AP3B1: variants seen among roughly 807,000 people sequenced by gnomAD.
AP3B1 encodes the protein AP-3 complex subunit beta-1.
A neutral mutation model predicts 132.5 loss-of-function variants in AP3B1; 61 were observed. The ratio of observed to expected loss-of-function variants is 0.46; its 90% confidence interval spans 0.37 to 0.57. The LOEUF is 0.57. Ranked by LOEUF, AP3B1 falls within the 20% of genes least tolerant of loss-of-function variation. The pLI is 0.00. For synonymous variants in AP3B1, 388 were observed against 438.3 expected, an observed-to-expected ratio of 0.89 and a Z score of 1.43; for missense variants, 1,120 against 1,289.4, an observed-to-expected ratio of 0.87 and a Z score of 2.01.
rs1208091149 is a variant in AP3B1, at chr5:78,015,492, A to T, written c.3049T>A (p.Phe1017Ile). 1.2e-6 allele frequency: 2 copies of T among 1,613,648 alleles called. No homozygotes were observed. The highest frequency in any genetic ancestry group is 2.2e-5 in the South Asian group (2 of 91,082). ...SAVIIAAPQN[F>I]TPSVIFQKVV... ...TTCTGAAAGATCACAGAGGGAGTGA[A>T]ATTCTGTGGTGCAGCAATGATTACA... The change falls in exon 26 of 27, where the codon TTC becomes ATC. Residue 1017 changes from phenylalanine (F) to isoleucine (I), a missense_variant. Coordinates refer to ENST00000255194, the MANE Select transcript of AP3B1 (RefSeq NM_003664.5).
chr5:78,181,460 G>C (rs761767913), intron 8 of AP3B1, 47 bp downstream of exon 8: 1 of 1,581,824 alleles, frequency 6.3e-7, no homozygotes, highest in Non-Finnish European at 8.6e-7. Flanking sequence ...TTTAATTGCT[G>C]TTTTTTAAAA....
chr5:78,073,165 T>C (rs1749618148), intron 22 of AP3B1, among the ~76,000 whole-genome samples: 1 of 152,220 alleles, frequency 6.6e-6, no homozygotes, highest in Non-Finnish European at 1.5e-5. Context: ...GCTAAATTCG[T>C]TTCTCTTCCT....
chr5:78,097,078 G>T (rs1419102918), intron 21 of AP3B1, among the ~76,000 whole-genome samples: 5 of 113,662 alleles, frequency 4.4e-5, no homozygotes, highest in Admixed American at 2.6e-4. Context: ...TCAGCCCCCC[G>T]CCCGGCCAGC....
chr5:78,139,038 GA>G (rs11288219), intron 15 of AP3B1, among the ~76,000 whole-genome samples: 35,733 of 93,186 alleles, frequency 0.38, 5,043 homozygotes, highest in Admixed American at 0.47. Context: ...TAGAGATCAA[GA>G]AAAAAAAAAA....
intron 14 of AP3B1, among the ~76,000 whole-genome samples, chr5:78,146,602 C>T (rs1753407152): frequency 6.6e-6 from 1 of 152,054 alleles, no homozygotes; most frequent in African/African-American, 2.4e-5. Flanking sequence ...TTAACATGTA[C>T]TTTTCAACTC....
intron 3 of AP3B1, among the ~76,000 whole-genome samples, chr5:78,232,855 C>T (rs888652384): frequency 6.6e-6 from 1 of 152,032 alleles, no homozygotes; most frequent in African/African-American, 2.4e-5. Context: ...CACAGGTGCA[C>T]ACCACCACGC....
chr5:78,187,852 C>A (rs1221596610), intron 7 of AP3B1, among the ~76,000 whole-genome samples: 1 of 152,116 alleles, frequency 6.6e-6, no homozygotes, highest in East Asian at 1.9e-4. Flanking sequence ...GCCACAGTAA[C>A]CAAAACAGCA....
chr5:78,020,565 T>C (rs548527008), intron 25 of AP3B1, 127 bp downstream of exon 25: 4 of 730,456 alleles, frequency 5.5e-6, no homozygotes, highest in South Asian at 3.2e-5. Flanking sequence ...TTAACAAAAA[T>C]TGGAAGATTG....
chr5:78,002,648 A>G lies in AP3B1; in HGVS notation c.*254T>C. On this transcript the variant is annotated 3_prime_UTR_variant, in exon 27 of 27. Coordinates refer to ENST00000255194, the MANE Select transcript of AP3B1 (RefSeq NM_003664.5). ...CAAAAGAAGCAGCAGGACAGAGAAAACGCCACATGGATTCAAGAGTTGAGA... is the reference window on the plus strand; with the variant it reads ...CAAAAGAAGCAGCAGGACAGAGAAAGCGCCACATGGATTCAAGAGTTGAGA... The G allele has an allele frequency of 1.7e-6, 1 of 601,844 alleles. No individual in the cohort carries two copies. The highest frequency in any genetic ancestry group is 2.0e-5 in the South Asian group (1 of 49,030). The allele number at this position is 601,844 out of a possible 1,614,324, so 37.3% of individuals were successfully genotyped here. A position where few individuals can be genotyped will look rare whatever the true frequency, so the allele number is the denominator to read the frequency against.
At chr5:78,195,140 T>C (rs917480767) in intron 7 of AP3B1, among the ~76,000 whole-genome samples, 1 of 151,984 alleles carries the variant, frequency 6.6e-6, no homozygotes, top group African/African-American at 2.4e-5. Context: ...AAAGCAAAGA[T>C]AATGTTTTAT....
chr5:78,182,913 G>A (rs555528258), intron 7 of AP3B1, among the ~76,000 whole-genome samples: 1 of 152,338 alleles, frequency 6.6e-6, no homozygotes, highest in African/African-American at 2.4e-5. Context: ...TGTCAGTGAA[G>A]ACCAAGTGAG....
intron 25 of AP3B1, among the ~76,000 whole-genome samples, chr5:78,017,762 T>A (rs1204815997): frequency 1.3e-5 from 2 of 152,054 alleles, no homozygotes; most frequent in Non-Finnish European, 2.9e-5. Context: ...TTTAAAACAC[T>A]GTAGAGCCTG....
rs145222419 is a variant in AP3B1, at chr5:78,045,824, A to G, written c.2578-6550T>C. On this transcript the variant is annotated intron_variant, in intron 22 of 26. Coordinates refer to ENST00000255194, the MANE Select transcript of AP3B1 (RefSeq NM_003664.5). Reference sequence around the variant, plus strand: ...GGGCTGTGAAAATGAGGGTTTAAGAAAAAGGGAAGATTTAATAAGTCTAAA... The same window carrying G: ...GGGCTGTGAAAATGAGGGTTTAAGAGAAAGGGAAGATTTAATAAGTCTAAA... 5.6e-4 allele frequency among the ~76,000 whole-genome samples: 85 copies of G among 152,368 alleles called. 1 individual carries two copies. The highest frequency in any genetic ancestry group is 2.0e-3 in the African/African-American group (82 of 41,578).
At chr5:78,115,751 T>A (rs531917204) in intron 18 of AP3B1, among the ~76,000 whole-genome samples, 1 of 152,146 alleles carries the variant, frequency 6.6e-6, no homozygotes, top group Non-Finnish European at 1.5e-5. Flanking sequence ...CTTCAAGGTA[T>A]AAAATAAACT....
chr5:78,051,076 G>A lies in AP3B1; in HGVS notation c.2578-11802C>T, dbSNP rs183243541. ...AACATTATTTCTAAAGGAAATCTAT[G>A]TGACTCATGATGCCTGTAGATACAC... On this transcript the variant is annotated intron_variant, in intron 22 of 26. Coordinates refer to ENST00000255194, the MANE Select transcript of AP3B1 (RefSeq NM_003664.5). Among the ~76,000 whole-genome samples, 15 of 152,250 alleles carry A rather than the reference G, an allele frequency of 9.9e-5. No individual in the cohort carries two copies. In the East Asian group the frequency reaches 2.7e-3, roughly 27 times the overall value.
chr5:78,048,713 T>C (rs1488590784), intron 22 of AP3B1, among the ~76,000 whole-genome samples: 1 of 152,210 alleles, frequency 6.6e-6, no homozygotes, highest in Non-Finnish European at 1.5e-5. Flanking sequence ...GCTGGATGGT[T>C]CTTGATGCCC....
At chr5:78,018,296 A>G (rs7718254) in intron 25 of AP3B1, among the ~76,000 whole-genome samples, 6,040 of 152,000 alleles carry the variant, frequency 0.04, 421 homozygotes, top group African/African-American at 0.14. Flanking sequence ...CTAATCTTTC[A>G]TTTACCACTT....
intron 11 of AP3B1, among the ~76,000 whole-genome samples, chr5:78,168,030 A>AT (rs1743729111): frequency 6.7e-6 from 1 of 149,862 alleles, no homozygotes; most frequent in Admixed American, 6.7e-5. Context: ...AAAAAAAAAC[A>AT]AAAAAAATAA....
At chr5:78,118,842 G>A (rs1437331194) in intron 17 of AP3B1, among the ~76,000 whole-genome samples, 15 of 152,146 alleles carry the variant, frequency 9.9e-5, no homozygotes, top group East Asian at 1.9e-4. Flanking sequence ...TTCCCAGCAC[G>A]CAGCTGGAGA....
Sources: gnomAD v4.1 joint callset for allele counts (sites outside exome capture counted in the v4.1 genomes callset) on GRCh38, gnomAD v4.1.1 for gene constraint, MANE v1.5 for transcripts, NCBI Gene and HGNC (gene_info 2026-07-23, HGNC 2026-07-21) for gene names.